Variants in PCBP3 observed in about 807,000 individuals in gnomAD.
PCBP3 encodes the protein poly(rC)-binding protein 3.
PCBP3 carries 25 observed loss-of-function variants against 52.7 expected under a neutral mutation model. The observed-to-expected ratio is 0.47, with a 90% CI of 0.35 to 0.66. The LOEUF (loss-of-function observed/expected upper bound fraction) is 0.66. PCBP3 is among the 30% of genes least tolerant of loss of function. PCBP3 has a pLI of 0.01. For missense variants in PCBP3, 391 were observed against 490.3 expected (o/e 0.80, Z 1.91); for synonymous variants, 162 against 183.0 (o/e 0.89, Z 0.93).
intron 17 of PCBP3, among the ~76,000 whole-genome samples, chr21:45,940,742 A>C (rs2077364355): frequency 8.6e-6 from 1 of 116,438 alleles, no homozygotes; most frequent in South Asian, 2.4e-4. Flanking sequence ...AGCACACCAT[A>C]CCACCAGTCC....
Position 45,829,880 on chromosome 21 carries a change from C to G in PCBP3, c.-125-20081C>G, listed in dbSNP as rs879431791. ...TCTAGGGCAGTGCAGGCATGTTCTTCAAGTGGGCCCTCATCCTGGCAATCT... is the reference window on the plus strand; with the variant it reads ...TCTAGGGCAGTGCAGGCATGTTCTTGAAGTGGGCCCTCATCCTGGCAATCT... On this transcript the variant is annotated intron_variant, in intron 4 of 17. Transcript: ENST00000681687. The surrounding 1 kb of genome is among the most constrained non-coding windows in gnomAD (Gnocchi z 5.2). The G allele has an allele frequency of 6.6e-6, 1 of 152,650 alleles. No individual in the cohort carries two copies. The highest frequency in any genetic ancestry group is 6.5e-5 in the Admixed American group (1 of 15,290). 9.5% of individuals were successfully genotyped at this position (152,650 alleles called of 1,614,324 possible). A position where few individuals can be genotyped will look rare whatever the true frequency, so the allele number is the denominator to read the frequency against.
At chr21:45,900,671 G>A (rs769593071) in intron 8 of PCBP3, 48 bp downstream of exon 8, 4 of 1,295,640 alleles carry the variant, frequency 3.1e-6, no homozygotes, top group South Asian at 1.2e-5. Flanking sequence ...CCGGGTGGGC[G>A]GGGTGGGTCC....
Position 45,917,277 on chromosome 21 carries a change from T to C in PCBP3, c.676-311T>C. 1 of 331,760 alleles carries C rather than the reference T, an allele frequency of 3.0e-6. No individual in the cohort carries two copies. The highest frequency in any genetic ancestry group is 5.5e-6 in the Non-Finnish European group (1 of 181,164). The allele number at this position is 331,760 out of a possible 1,614,324, so 20.6% of individuals were successfully genotyped here. A position where few individuals can be genotyped will look rare whatever the true frequency, so the allele number is the denominator to read the frequency against. ...GTAATAATTAGTGGAGACCTCTTAC[T>C]GGGCAGATCACTCTTCGATTCTTTT... On this transcript the variant is annotated intron_variant, in intron 12 of 17. Transcript: ENST00000681687. The surrounding 1 kb of genome is among the most constrained non-coding windows in gnomAD (Gnocchi z 5.3).
At chr21:45,739,856 T>G (rs1195765236) in intron 3 of PCBP3, among the ~76,000 whole-genome samples, 1 of 152,202 alleles carries the variant, frequency 6.6e-6, no homozygotes, top group Non-Finnish European at 1.5e-5. Flanking sequence ...ACACACACTC[T>G]CTTCGCTTTG....
intron 10 of PCBP3, among the ~76,000 whole-genome samples, chr21:45,909,907 G>C (rs1258593303): frequency 2.1e-4 from 12 of 57,122 alleles, no homozygotes; most frequent in African/African-American, 3.2e-4. Context: ...TACAGACCCG[G>C]CCCACCCACT....
intron 2 of PCBP3, among the ~76,000 whole-genome samples, chr21:45,693,599 A>G (rs940163836): frequency 2.0e-5 from 3 of 152,162 alleles, no homozygotes; most frequent in African/African-American, 7.2e-5. Context: ...AATATGATTA[A>G]TATGTTTAAA....
At chr21:45,693,689 C>T (rs944346552) in intron 2 of PCBP3, among the ~76,000 whole-genome samples, 1 of 152,028 alleles carries the variant, frequency 6.6e-6, no homozygotes. Context: ...GAATTCTATA[C>T]TCAGTGAAAA....
intron 3 of PCBP3, among the ~76,000 whole-genome samples, chr21:45,739,592 C>CTG (rs573687179): frequency 8.3e-6 from 1 of 120,530 alleles, no homozygotes; most frequent in Non-Finnish European, 1.8e-5. Context: ...GGGTGCCCCC[C>CTG]CCCATCTTCA....
chr21:45,913,228 A>G (rs973311527), intron 11 of PCBP3, among the ~76,000 whole-genome samples: 3 of 152,256 alleles, frequency 2.0e-5, no homozygotes, highest in Admixed American at 6.5e-5. Flanking sequence ...CAGAATACCC[A>G]AGGGAAATTA....
rs13050347 is a variant in PCBP3, at chr21:45,714,649, A to G, written c.-199-20743A>G. On this transcript the variant is annotated intron_variant, in intron 2 of 17. Transcript: ENST00000681687. ...TCAAATTGAAGAAGCCAGAAAGGAT[A>G]TAAGTATATGAAAACTTCATTTTTG... Among the ~76,000 whole-genome samples, 388 of 152,394 alleles carry G rather than the reference A, an allele frequency of 2.5e-3. 2 individuals carry two copies. Among genetic ancestry groups the G allele is most frequent in the Non-Finnish European group, 4.2e-3 (287 of 68,042 alleles).
chr21:45,909,988 C>T lies in PCBP3; in HGVS notation c.471+502C>T, dbSNP rs866587461. ...CCCACACACACTTCCCAGATACGGA[C>T]CCCCCTCACCTGCTTCCCAAATATG... On this transcript the variant is annotated intron_variant, in intron 10 of 17. Transcript: ENST00000681687. Among the ~76,000 whole-genome samples the T allele has an allele frequency of 5.6e-3, 472 of 83,710 alleles. 16 individuals are homozygous for T. Among genetic ancestry groups the T allele is most frequent in the African/African-American group, 0.022 (452 of 20,148 alleles). 54.9% of individuals were successfully genotyped at this position (83,710 alleles called of 152,430 possible). A position where few individuals can be genotyped will look rare whatever the true frequency, so the allele number is the denominator to read the frequency against.
chr21:45,901,146 G>GCCCCC, intron 9 of PCBP3, 33 bp downstream of exon 9: 2 of 1,470,748 alleles, frequency 1.4e-6, no homozygotes, highest in Non-Finnish European at 1.9e-6. Context: ...CTGCCAGCCT[G>GCCCCC]GCGGGGGCAG....
intron 13 of PCBP3, among the ~76,000 whole-genome samples, chr21:45,924,468 A>G (rs113478821): frequency 7.2e-4 from 70 of 97,368 alleles, no homozygotes; most frequent in African/African-American, 8.2e-4. Flanking sequence ...CACACGTAAG[A>G]TCGGGTGTGC....
chr21:45,778,112 T>C (rs1000327240), intron 4 of PCBP3, among the ~76,000 whole-genome samples: 2 of 152,192 alleles, frequency 1.3e-5, no homozygotes, highest in African/African-American at 4.8e-5. Flanking sequence ...TCTGTCATGT[T>C]GGTTGGGATA....
chr21:45,923,279 G>A (rs2149401126), intron 13 of PCBP3, among the ~76,000 whole-genome samples: 1 of 152,342 alleles, frequency 6.6e-6, no homozygotes, highest in East Asian at 1.9e-4. Context: ...CTGGGCACAT[G>A]CCGAGGGGCC....
At chr21:45,761,161 C>T (rs1311440059) in intron 4 of PCBP3, 2 of 152,050 alleles carry the variant, frequency 1.3e-5, no homozygotes, top group African/African-American at 4.8e-5. Context: ...TGGAGCCTTT[C>T]AGGGCTCTCT....
At chr21:45,725,602 C>T (rs1249407481) in intron 2 of PCBP3, among the ~76,000 whole-genome samples, 1 of 152,158 alleles carries the variant, frequency 6.6e-6, no homozygotes, top group Non-Finnish European at 1.5e-5. Flanking sequence ...TGGCAGGGGA[C>T]ACACAGGCAG....
chr21:45,772,565 TTTG>T (rs1431683754), intron 4 of PCBP3, among the ~76,000 whole-genome samples: 1 of 152,220 alleles, frequency 6.6e-6, no homozygotes, highest in Admixed American at 6.5e-5. Flanking sequence ...TTTTATTTCC[TTTG>T]GGTAGATACC....
At chr21:45,690,869 A>G (rs1267856548) in intron 2 of PCBP3, among the ~76,000 whole-genome samples, 1 of 152,170 alleles carries the variant, frequency 6.6e-6, no homozygotes, top group Non-Finnish European at 1.5e-5. Context: ...ATAAGTAGTG[A>G]TACAAATAGT....
Sources: allele counts gnomAD v4.1 joint callset (sites outside exome capture counted in the v4.1 genomes callset), GRCh38; gene constraint gnomAD v4.1.1; non-coding constraint Gnocchi (gnomAD v3.1); transcripts MANE v1.5; gene names NCBI Gene and HGNC (gene_info 2026-07-23, HGNC 2026-07-21).